CCDC178: variants seen among roughly 807,000 people sequenced by gnomAD.
The protein encoded by CCDC178 is coiled-coil domain containing 178.
In CCDC178, 126 loss-of-function variants were observed where a neutral mutation model predicts 117.4. That is an observed-to-expected ratio of 1.07 (90% CI 0.93 to 1.24). CCDC178 has a LOEUF of 1.24. Among genes scored for constraint, CCDC178 ranks in the 50% most tolerant of loss-of-function variants. The pLI is 0.00. For missense variants in CCDC178, 1,030 were observed against 986.9 expected, an observed-to-expected ratio of 1.04 and a Z score of -0.59; for synonymous variants, 283 against 313.4, an observed-to-expected ratio of 0.90 and a Z score of 1.02.
At chr18:33,157,447 C>T (rs1420457061) in intron 20 of CCDC178, among the ~76,000 whole-genome samples, 1 of 152,006 alleles carries the variant, frequency 6.6e-6, no homozygotes, top group Non-Finnish European at 1.5e-5. Context: ...TGATTTTGTT[C>T]TCATGAAATA....
chr18:33,388,092 G>A (rs2063519149), intron 5 of CCDC178, among the ~76,000 whole-genome samples: 1 of 151,966 alleles, frequency 6.6e-6, no homozygotes, highest in Admixed American at 6.6e-5. Flanking sequence ...GCATACATGT[G>A]GCCAACAAAT....
chr18:33,279,038 C>T (rs908679096), intron 12 of CCDC178, among the ~76,000 whole-genome samples: 15 of 152,052 alleles, frequency 9.9e-5, no homozygotes, highest in Non-Finnish European at 1.5e-4. Context: ...CCTTTGAAAA[C>T]TGGCACAAGA....
intron 18 of CCDC178, among the ~76,000 whole-genome samples, chr18:33,216,942 C>T (rs2059173073): frequency 1.3e-5 from 2 of 152,018 alleles, no homozygotes; most frequent in Non-Finnish European, 2.9e-5. Context: ...GTACTCCATG[C>T]TCTCTATCCC....
chr18:33,375,998 C>T (rs544447524), intron 5 of CCDC178, among the ~76,000 whole-genome samples: 12 of 152,276 alleles, frequency 7.9e-5, no homozygotes, highest in African/African-American at 2.9e-4. Flanking sequence ...AAGAAAAGTA[C>T]AACTTGGATA....
Position 33,436,958 on chromosome 18 carries a change from CT to C in CCDC178, c.-23+3003del, listed in dbSNP as rs551426330. On this transcript the variant is annotated intron_variant, in intron 2 of 22. Coordinates refer to ENST00000383096, the MANE Select transcript of CCDC178 (RefSeq NM_001105528.4). ...AACCTGTGCCTGGGACCTCTAGGTC[CT>C]TTTTCATGCATATTTTTCTTGTGTT... Among the ~76,000 whole-genome samples, 283 of 152,176 alleles carry C rather than the reference CT, an allele frequency of 1.9e-3. 1 individual carries two copies. The highest frequency in any genetic ancestry group is 6.5e-3 in the African/African-American group (269 of 41,510).
intron 22 of CCDC178, among the ~76,000 whole-genome samples, chr18:32,961,131 A>G (rs1321220996): frequency 2.0e-5 from 3 of 151,812 alleles, no homozygotes. Flanking sequence ...GTGTTGTTCA[A>G]CTCTTCCATA....
At chr18:33,387,529 G>A (rs1043072417) in intron 5 of CCDC178, among the ~76,000 whole-genome samples, 1 of 151,884 alleles carries the variant, frequency 6.6e-6, no homozygotes, top group Non-Finnish European at 1.5e-5. Context: ...ACCAATAGAA[G>A]TGAATAAAGA....
intron 20 of CCDC178, among the ~76,000 whole-genome samples, chr18:33,206,960 A>G (rs955499531): frequency 6.6e-6 from 1 of 152,210 alleles, no homozygotes; most frequent in Non-Finnish European, 1.5e-5. Context: ...CCACTTTCAT[A>G]TCACCCTTTG....
chr18:33,320,141 G>T (rs1421745830), intron 11 of CCDC178, among the ~76,000 whole-genome samples: 1 of 152,142 alleles, frequency 6.6e-6, no homozygotes, highest in Admixed American at 6.5e-5. Flanking sequence ...ATATCATACT[G>T]AATGGCCAAA....
chr18:33,289,501 C>A (rs1004462029), intron 12 of CCDC178, among the ~76,000 whole-genome samples: 2 of 151,994 alleles, frequency 1.3e-5, no homozygotes, highest in Non-Finnish European at 2.9e-5. Flanking sequence ...GTAATCCCAG[C>A]TACTGGGGAG....
intron 21 of CCDC178, among the ~76,000 whole-genome samples, chr18:33,016,515 T>G (rs4312380): frequency 0.18 from 26,648 of 152,032 alleles, 2,724 homozygotes; most frequent in East Asian, 0.37. Context: ...GTAACTCTTT[T>G]CTTCTTTTCA....
chr18:33,199,081 C>T (rs1318793898), intron 20 of CCDC178, among the ~76,000 whole-genome samples: 1 of 151,786 alleles, frequency 6.6e-6, no homozygotes, highest in Admixed American at 6.6e-5. Context: ...GGTAAACAAG[C>T]TTAGCTATAT....
At chr18:33,267,397 G>T in intron 12 of CCDC178, 100 bp from the exon 13 acceptor site, 1 of 662,510 alleles carries the variant, frequency 1.5e-6, no homozygotes, top group Non-Finnish European at 2.4e-6. Flanking sequence ...ATTTGTTTCA[G>T]TTACATAAAA....
At chr18:33,084,990 T>A (rs2057356876) in intron 21 of CCDC178, among the ~76,000 whole-genome samples, 1 of 152,096 alleles carries the variant, frequency 6.6e-6, no homozygotes. Flanking sequence ...CTTCATTCCT[T>A]AGGGCCTCTG....
chr18:32,973,443 CA>C (rs2054970715), intron 22 of CCDC178, among the ~76,000 whole-genome samples: 1 of 152,040 alleles, frequency 6.6e-6, no homozygotes, highest in African/African-American at 2.4e-5. Context: ...AGTTTGTACT[CA>C]AGTTTGTACA....
chr18:33,003,635 C>T (rs1372340336), intron 21 of CCDC178, among the ~76,000 whole-genome samples: 4 of 152,064 alleles, frequency 2.6e-5, no homozygotes, highest in Non-Finnish European at 5.9e-5. Context: ...GACAAGGATG[C>T]CCTCTTTCAC....
intron 20 of CCDC178, among the ~76,000 whole-genome samples, chr18:33,168,812 A>G (rs1598955773): frequency 6.6e-6 from 1 of 152,214 alleles, no homozygotes; most frequent in East Asian, 1.9e-4. Context: ...GAGCTGACAG[A>G]ACTTAATTGG....
intron 20 of CCDC178, among the ~76,000 whole-genome samples, chr18:33,148,028 C>T (rs1246686646): frequency 6.6e-5 from 10 of 151,984 alleles, no homozygotes; most frequent in African/African-American, 1.7e-4. Context: ...GGCGGCTGGC[C>T]GGGCAGAGGC....
chr18:33,114,736 T>C (rs557027505), intron 20 of CCDC178, among the ~76,000 whole-genome samples: 12 of 152,208 alleles, frequency 7.9e-5, no homozygotes, highest in African/African-American at 2.9e-4. Flanking sequence ...AAATATTTTA[T>C]TTAAAGGAAA....
Sources: allele counts gnomAD v4.1 joint callset (sites outside exome capture counted in the v4.1 genomes callset), GRCh38; gene constraint gnomAD v4.1.1; transcripts MANE v1.5; gene names NCBI Gene and HGNC (gene_info 2026-07-23, HGNC 2026-07-21).